Variants in TENM3 observed in about 807,000 individuals in gnomAD.
The protein encoded by TENM3 is teneurin-3.
TENM3 carries 63 observed loss-of-function variants against 255.1 expected under a neutral mutation model. The ratio of observed to expected loss-of-function variants is 0.25; its 90% CI spans 0.20 to 0.30. TENM3 has a LOEUF of 0.30. Among genes scored for constraint, TENM3 ranks in the 10% least tolerant of loss-of-function variants. The pLI is 1.00. For synonymous variants in TENM3, 1,306 were observed against 1,322.3 expected (o/e 0.99, Z 0.27); for missense variants, 2,929 against 3,461.1 (o/e 0.85, Z 3.86).
chr4:181,587,548 G>A, the TENM3 span, among the ~76,000 whole-genome samples: 1 of 152,142 alleles, frequency 6.6e-6, no homozygotes. Flanking sequence ...TACAATCCCC[G>A]TTTTACAGAT....
the TENM3 span, among the ~76,000 whole-genome samples, chr4:181,620,893 T>C: frequency 4.6e-5 from 7 of 152,192 alleles, no homozygotes; most frequent in South Asian, 2.1e-4. Flanking sequence ...TTACCACTTA[T>C]GGAAAACAAA....
chr4:181,631,830 C>T, the TENM3 span, among the ~76,000 whole-genome samples: 1 of 152,156 alleles, frequency 6.6e-6, no homozygotes, highest in Non-Finnish European at 1.5e-5. Flanking sequence ...CCAAAGGTTG[C>T]CTACCACAAG....
chr4:182,574,345 A>G (rs1438870410), intron 3 of TENM3, among the ~76,000 whole-genome samples: 1 of 152,048 alleles, frequency 6.6e-6, no homozygotes, highest in Non-Finnish European at 1.5e-5. Flanking sequence ...TATTCCAGAA[A>G]GGATACTCAT....
At chr4:181,604,612 A>G in the TENM3 span, among the ~76,000 whole-genome samples, 1 of 152,308 alleles carries the variant, frequency 6.6e-6, no homozygotes, top group Non-Finnish European at 1.5e-5. Flanking sequence ...CCCACGCCAG[A>G]GTGTGGCCAT....
the TENM3 span, among the ~76,000 whole-genome samples, chr4:181,855,072 AGTTCT>A: frequency 1.3e-5 from 2 of 152,320 alleles, no homozygotes; most frequent in East Asian, 3.9e-4. Context: ...ACAAGAACTG[AGTTCT>A]GTTCTGTTTT....
chr4:182,135,212 A>G, the TENM3 span, among the ~76,000 whole-genome samples: 8 of 125,780 alleles, frequency 6.4e-5, no homozygotes, highest in African/African-American at 2.0e-4. Flanking sequence ...CTCAAAAAAA[A>G]AAAAAAAAAA....
intron 2 of TENM3, among the ~76,000 whole-genome samples, chr4:182,345,148 G>A (rs116802463): frequency 0.021 from 3,146 of 152,104 alleles, 46 homozygotes; most frequent in Middle Eastern, 0.034. Flanking sequence ...AATCCATTTG[G>A]AAGTCTGACC....
the TENM3 span, among the ~76,000 whole-genome samples, chr4:181,783,920 T>C: frequency 6.6e-6 from 1 of 152,166 alleles, no homozygotes; most frequent in Non-Finnish European, 1.5e-5. Flanking sequence ...AGGCAGGTCT[T>C]GAACTCCTGG....
chr4:182,442,142 T>G (rs959158016), intron 3 of TENM3, among the ~76,000 whole-genome samples: 4 of 152,180 alleles, frequency 2.6e-5, no homozygotes, highest in African/African-American at 9.6e-5. Context: ...ATGTACTTCC[T>G]CTATCCACAA....
At chr4:181,869,555 G>A in the TENM3 span, among the ~76,000 whole-genome samples, 1 of 152,000 alleles carries the variant, frequency 6.6e-6, no homozygotes, top group Admixed American at 6.6e-5. Flanking sequence ...CCTTCTCCAT[G>A]ATATTTTTCA....
chr4:181,448,721 G>T, the TENM3 span, among the ~76,000 whole-genome samples: 1 of 152,194 alleles, frequency 6.6e-6, no homozygotes, highest in African/African-American at 2.4e-5. Context: ...GATAGGATAT[G>T]TAGATCTAAT....
At chr4:182,229,563 C>T (rs2597156) in intron 1 of TENM3, among the ~76,000 whole-genome samples, 99,824 of 151,740 alleles carry the variant, frequency 0.66, 33,585 homozygotes, top group Middle Eastern at 0.71. Context: ...ATTTTGTTTT[C>T]AAAATGCAGC....
the TENM3 span, among the ~76,000 whole-genome samples, chr4:181,793,167 G>A: frequency 2.0e-5 from 3 of 152,136 alleles, no homozygotes; most frequent in Admixed American, 6.5e-5. Flanking sequence ...TGTAAACTGC[G>A]CTAGACTCAT....
chr4:182,619,371 C>T lies in TENM3; in HGVS notation c.750-9280C>T, dbSNP rs917193736. Among the ~76,000 whole-genome samples, 9 of 151,688 alleles carry T rather than the reference C, an allele frequency of 5.9e-5. No homozygotes were observed. The Middle Eastern group carries it at 0.01, about 172-fold the overall frequency. On this transcript the variant is annotated intron_variant, in intron 4 of 27. Coordinates refer to ENST00000511685, the MANE Select transcript of TENM3 (RefSeq NM_001080477.4). ...GCTTGAACCTGGGAGGCAGTGGTTGCGGTGAGCCGAGATCACGCTACTGCA... is the reference window on the plus strand; with the variant it reads ...GCTTGAACCTGGGAGGCAGTGGTTGTGGTGAGCCGAGATCACGCTACTGCA...
Position 182,799,740 on chromosome 4 carries a change from G to A in TENM3, c.7489G>A (p.Gly2497Ser), listed in dbSNP as rs1378742151. The change falls in exon 28 of 28, where the codon GGC becomes AGC. Residue 2497 changes from glycine to serine, a missense_variant. By Grantham distance (56) the Gly-to-Ser change is moderately conservative (BLOSUM62 0). Transcript: ENST00000511685. The surrounding 1 kb of genome is among the most constrained non-coding windows in gnomAD (Gnocchi z 4.2). Reference sequence around the variant, plus strand: ...GTTCGCCACGGTCAAGTCGCTGATCGGCAAGGGCGTCATGCTGGCCGTCAG... The same window carrying A: ...GTTCGCCACGGTCAAGTCGCTGATCAGCAAGGGCGTCATGCTGGCCGTCAG... Reference protein sequence around the residue: ...LWFATVKSLIGKGVMLAVSQG... With the variant: ...LWFATVKSLISKGVMLAVSQG... The A allele has an allele frequency of 4.5e-6, 7 of 1,560,916 alleles. No homozygotes were observed. Among genetic ancestry groups the A allele is most frequent in the Non-Finnish European group, 6.1e-6 (7 of 1,153,724 alleles).
intron 3 of TENM3, among the ~76,000 whole-genome samples, chr4:182,464,729 A>G (rs1476537951): frequency 2.0e-5 from 3 of 152,242 alleles, no homozygotes; most frequent in Admixed American, 1.3e-4. Flanking sequence ...AAGAGATGAT[A>G]TCAGAGAAAT....
At chr4:182,416,910 A>T (rs1029415061) in intron 3 of TENM3, among the ~76,000 whole-genome samples, 10 of 152,194 alleles carry the variant, frequency 6.6e-5, no homozygotes, top group African/African-American at 2.4e-4. Flanking sequence ...TTTGTCATTC[A>T]GCATGTTGTT....
chr4:181,674,079 T>A, the TENM3 span, among the ~76,000 whole-genome samples: 3 of 152,108 alleles, frequency 2.0e-5, no homozygotes, highest in East Asian at 3.9e-4. Flanking sequence ...CACTGCAACC[T>A]CCACCTCCTG....
At chr4:181,855,045 T>G in the TENM3 span, among the ~76,000 whole-genome samples, 558 of 152,274 alleles carry the variant, frequency 3.7e-3, 2 homozygotes, top group African/African-American at 0.013. Flanking sequence ...TGGAGAAATA[T>G]AACAGAAAAT....
Sources: gnomAD v4.1 joint callset for allele counts (sites outside exome capture counted in the v4.1 genomes callset) on GRCh38, gnomAD v4.1.1 for gene constraint, Gnocchi (gnomAD v3.1) non-coding constraint, MANE v1.5 for transcripts, NCBI Gene and HGNC (gene_info 2026-07-23, HGNC 2026-07-21) for gene names.